Variants in MAP4 observed in about 807,000 individuals in gnomAD.
The protein encoded by MAP4 is microtubule-associated protein 4.
Under a neutral mutation model 170.2 loss-of-function variants are expected in MAP4, and 76 were observed. The ratio of observed to expected loss-of-function variants is 0.45; its 90% CI spans 0.37 to 0.54. The LOEUF (loss-of-function observed/expected upper bound fraction) is 0.54. MAP4 is among the 20% of genes least tolerant of loss of function. The probability of loss-of-function intolerance (pLI) is 0.00; values close to 1 mark genes in which losing one functional copy is unlikely to be tolerated. For missense variants in MAP4, 2,506 were observed against 2,748.0 expected, an observed-to-expected ratio of 0.91 and a Z score of 1.97; for synonymous variants, 909 against 994.5, an observed-to-expected ratio of 0.91 and a Z score of 1.62.
At chr3:48,031,179 G>A (rs1381616471) in intron 1 of MAP4, among the ~76,000 whole-genome samples, 1 of 152,112 alleles carries the variant, frequency 6.6e-6, no homozygotes, top group East Asian at 1.9e-4. Context: ...GGCAGGCCAA[G>A]GCAGGAGGTT....
At chr3:47,885,292 G>A (rs2097387758) in intron 10 of MAP4, among the ~76,000 whole-genome samples, 1 of 152,124 alleles carries the variant, frequency 6.6e-6, no homozygotes. Flanking sequence ...CACTTTGGGA[G>A]GTCAAGCAAG....
intron 17 of MAP4, among the ~76,000 whole-genome samples, chr3:47,862,812 A>C (rs1441378744): frequency 6.6e-6 from 1 of 152,188 alleles, no homozygotes; most frequent in Non-Finnish European, 1.5e-5. Context: ...TAATATATCT[A>C]GGACTGGCTT....
chr3:48,059,514 CAAA>C (rs762700404), intron 1 of MAP4, among the ~76,000 whole-genome samples: 4 of 18,008 alleles, frequency 2.2e-4, no homozygotes, highest in African/African-American at 5.3e-4. Context: ...GACTCCATCT[CAAA>C]AAAAAAAAAA....
At chr3:48,080,530 T>A (rs949469792) in intron 1 of MAP4, among the ~76,000 whole-genome samples, 1 of 152,164 alleles carries the variant, frequency 6.6e-6, no homozygotes, top group Non-Finnish European at 1.5e-5. Context: ...TTCCTTAGGA[T>A]CAAGTATAGC....
At chr3:47,882,152 G>A (rs1459252092) in intron 10 of MAP4, among the ~76,000 whole-genome samples, 1 of 152,052 alleles carries the variant, frequency 6.6e-6, no homozygotes, top group African/African-American at 2.4e-5. Flanking sequence ...TGTGGTGGGC[G>A]CCTGTAATCC....
intron 10 of MAP4, among the ~76,000 whole-genome samples, chr3:47,897,711 G>A (rs187980575): frequency 6.6e-6 from 1 of 152,022 alleles, no homozygotes; most frequent in East Asian, 1.9e-4. Context: ...GGTCGAGGCG[G>A]GCGGATCACA....
intron 18 of MAP4, among the ~76,000 whole-genome samples, chr3:47,856,871 G>A (rs553659167): frequency 6.6e-6 from 1 of 152,248 alleles, no homozygotes; most frequent in African/African-American, 2.4e-5. Flanking sequence ...ACACGAGGCT[G>A]CTAGGGGACT....
intron 1 of MAP4, among the ~76,000 whole-genome samples, chr3:48,014,441 ACTC>A (rs2154446412): frequency 1.3e-5 from 2 of 152,084 alleles, no homozygotes; most frequent in South Asian, 4.2e-4. Context: ...CAGGGAAAAA[ACTC>A]ATGAAAAGCT....
At chr3:47,876,130 TTCTTTC>T (rs1239769830) in intron 11 of MAP4, among the ~76,000 whole-genome samples, 22 of 123,252 alleles carry the variant, frequency 1.8e-4, no homozygotes, top group Admixed American at 9.9e-4. Context: ...CTTTTTCTTT[TTCTTTC>T]TTTTTTTTTT....
intron 17 of MAP4, among the ~76,000 whole-genome samples, chr3:47,859,559 C>T (rs2150491197): frequency 6.6e-6 from 1 of 152,358 alleles, no homozygotes; most frequent in Non-Finnish European, 1.5e-5. Flanking sequence ...CTTCCCCATC[C>T]TTCAATGCCC....
At chr3:48,047,095 A>AAAAT (rs373688704) in intron 1 of MAP4, among the ~76,000 whole-genome samples, 69,974 of 142,596 alleles carry the variant, frequency 0.49, 17,492 homozygotes, top group East Asian at 0.71. Flanking sequence ...CTCCGTCTCA[A>AAAAT]AAATAAATAA....
chr3:47,952,269 G>T (rs1167850802), intron 3 of MAP4, among the ~76,000 whole-genome samples: 2 of 145,556 alleles, frequency 1.4e-5, no homozygotes, highest in Non-Finnish European at 3.0e-5. Context: ...GGGGGGGTCA[G>T]CCCCCCCGCC....
At chr3:47,885,960 C>G (rs932308258) in intron 10 of MAP4, among the ~76,000 whole-genome samples, 10 of 152,190 alleles carry the variant, frequency 6.6e-5, no homozygotes, top group African/African-American at 2.4e-4. Flanking sequence ...GATCTCCTGA[C>G]CTCATGATCC....
chr3:48,056,163 T>TG (rs1579631439), intron 1 of MAP4, among the ~76,000 whole-genome samples: 6 of 71,518 alleles, frequency 8.4e-5, no homozygotes, highest in South Asian at 5.7e-4. Context: ...GGGAGGGAGG[T>TG]GGGGGGTCAG....
intron 1 of MAP4, among the ~76,000 whole-genome samples, chr3:48,053,539 TTA>T (rs2100129015): frequency 6.6e-6 from 1 of 152,204 alleles, no homozygotes; most frequent in Admixed American, 6.6e-5. Context: ...TTTATTTTTT[TTA>T]TTTTTAAACT....
intron 1 of MAP4, among the ~76,000 whole-genome samples, chr3:48,009,000 A>C (rs959066025): frequency 6.6e-6 from 1 of 152,178 alleles, no homozygotes; most frequent in Non-Finnish European, 1.5e-5. Flanking sequence ...GATTGTCCTC[A>C]CTCAAATAGA....
chr3:48,018,356 C>T (rs922263311), upstream of MAP4, among the ~76,000 whole-genome samples: 1 of 152,006 alleles, frequency 6.6e-6, no homozygotes, highest in African/African-American at 2.4e-5. Context: ...AAACAAGGGG[C>T]TAAAAACACA....
intron 1 of MAP4, among the ~76,000 whole-genome samples, chr3:48,058,224 TAGACTA>T (rs1413010904): frequency 6.6e-6 from 1 of 152,236 alleles, no homozygotes; most frequent in African/African-American, 2.4e-5. Context: ...GACTCAGTCC[TAGACTA>T]CAATGACTTA....
intron 1 of MAP4, among the ~76,000 whole-genome samples, chr3:48,045,386 G>A (rs529880185): frequency 9.2e-5 from 14 of 152,148 alleles, no homozygotes; most frequent in Admixed American, 4.6e-4. Flanking sequence ...AAGGGCAGGC[G>A]AGCATCTCTG....
Sources: gnomAD v4.1 joint callset for allele counts (sites outside exome capture counted in the v4.1 genomes callset) on GRCh38, gnomAD v4.1.1 for gene constraint, MANE v1.5 for transcripts, NCBI Gene and HGNC (gene_info 2026-07-23, HGNC 2026-07-21) for gene names.